The following SASH1 variants were observed in gnomAD, a reference collection of about 807,000 sequenced individuals.
The protein encoded by SASH1 is SAM and SH3 domain containing 1.
A neutral mutation model predicts 125.2 loss-of-function variants in SASH1; 44 were observed. The ratio of observed to expected loss-of-function variants is 0.35; its 90% CI spans 0.28 to 0.45. SASH1 has a LOEUF of 0.45. Ranked by LOEUF, SASH1 falls within the 20% of genes least tolerant of loss-of-function variation. The pLI, the probability that SASH1 is intolerant of heterozygous loss-of-function variation, is 1.00. For synonymous variants in SASH1, 639 were observed against 649.1 expected (o/e 0.98, Z 0.24); for missense variants, 1,426 against 1,614.5 (o/e 0.88, Z 2.00).
At chr6:148,232,582 A>C in the SASH1 span, among the ~76,000 whole-genome samples, 104 of 152,344 alleles carry the variant, frequency 6.8e-4, no homozygotes, top group Middle Eastern at 6.8e-3. Flanking sequence ...TAAAACATGC[A>C]ACTATGCAGA....
intron 2 of SASH1, among the ~76,000 whole-genome samples, chr6:148,399,214 C>CTTTTTTTTTTTTTTTTTTTTTTTTT (rs371374910): frequency 2.8e-5 from 3 of 106,662 alleles, no homozygotes; most frequent in Non-Finnish European, 3.8e-5. Flanking sequence ...ATTTCAGCTT[C>CTTTTTTTTTTTTTTTTTTTTTTTTT]TTTTTTTTTT....
Position 148,474,191 on chromosome 6 carries a change from AGAT to A in SASH1, c.600_602del (p.Met200del), listed in dbSNP as rs1246854144. ...CAGCTAATGATGATGGTCAAAGAAA[AGAT>A]GATCACAATTGAGGAAGCACTTGCT... On this transcript the variant is annotated inframe_deletion, in exon 7 of 20. Coordinates refer to ENST00000367467, the MANE Select transcript of SASH1 (RefSeq NM_015278.5). 1 of 1,608,072 alleles carries A rather than the reference AGAT, an allele frequency of 6.2e-7. No homozygotes were observed.
intron 1 of SASH1, among the ~76,000 whole-genome samples, chr6:148,312,909 G>T (rs911480509): frequency 1.3e-5 from 2 of 152,148 alleles, no homozygotes; most frequent in Non-Finnish European, 2.9e-5. Context: ...GTCAAGAAAA[G>T]CTTCCTGGGG....
In SASH1 at chr6:148,343,125, G is replaced by A. The variant is rs1455416771; in HGVS notation, c.58G>A (p.Glu20Lys). 2 of 1,594,304 alleles carry A rather than the reference G, an allele frequency of 1.3e-6. No individual in the cohort carries two copies. Among genetic ancestry groups the A allele is most frequent in the Non-Finnish European group, 1.7e-6 (2 of 1,177,078 alleles). The change falls in exon 1 of 20, where the codon GAG becomes AAG. Residue 20 changes from glutamate (E) to lysine (K), a missense_variant. By Grantham distance (56) the Glu-to-Lys change is moderately conservative (BLOSUM62 1). Transcript: ENST00000367467. ...GGAGCCTGAGCCCGAGCCCGAGCCG[G>A]AGCCCGAGCCCGCGCCGGAGCCGGA... ...GPEPEPEPEPEPEPAPEPEPE... is the reference protein window; with the variant it reads ...GPEPEPEPEPKPEPAPEPEPE...
intron 2 of SASH1, among the ~76,000 whole-genome samples, chr6:148,403,609 C>T (rs563892808): frequency 1.3e-5 from 2 of 152,292 alleles, no homozygotes; most frequent in African/African-American, 4.8e-5. Flanking sequence ...TGGCTCACCG[C>T]AACCTCTTCC....
chr6:148,238,671 T>A, the SASH1 span, among the ~76,000 whole-genome samples: 1 of 151,132 alleles, frequency 6.6e-6, no homozygotes, highest in Non-Finnish European at 1.5e-5. Flanking sequence ...CATCCCAAAT[T>A]GTAAATTCTA....
At chr6:148,260,596 A>G in the SASH1 span, among the ~76,000 whole-genome samples, 1 of 148,438 alleles carries the variant, frequency 6.7e-6, no homozygotes, top group Non-Finnish European at 1.5e-5. Flanking sequence ...ACAAAGCAAG[A>G]CCCTGTCTTT....
At chr6:148,232,429 A>G in the SASH1 span, among the ~76,000 whole-genome samples, 1 of 152,170 alleles carries the variant, frequency 6.6e-6, no homozygotes, top group Admixed American at 6.5e-5. Flanking sequence ...TAGGTGAGTC[A>G]AGGATAACTG....
At chr6:148,299,882 C>A (rs6570836) in intron 1 of SASH1, among the ~76,000 whole-genome samples, 96,600 of 151,826 alleles carry the variant, frequency 0.64, 30,889 homozygotes, top group Non-Finnish European at 0.65. Context: ...AACCCTAACC[C>A]GCCCCACCAA....
At chr6:148,352,823 G>A (rs1429762468) in intron 1 of SASH1, among the ~76,000 whole-genome samples, 2 of 151,638 alleles carry the variant, frequency 1.3e-5, no homozygotes, top group African/African-American at 4.8e-5. Flanking sequence ...ACAAAAATTA[G>A]CCAGGTGTGG....
intron 2 of SASH1, among the ~76,000 whole-genome samples, chr6:148,437,293 A>C (rs1776331381): frequency 6.6e-6 from 1 of 152,204 alleles, no homozygotes; most frequent in Non-Finnish European, 1.5e-5. Flanking sequence ...TTTTTACTTT[A>C]GAATGTGTTT....
chr6:148,201,980 G>T, the SASH1 span, among the ~76,000 whole-genome samples: 1 of 152,060 alleles, frequency 6.6e-6, no homozygotes, highest in Non-Finnish European at 1.5e-5. Flanking sequence ...TATTGAAGGT[G>T]TATATCCACC....
chr6:148,254,476 T>C, the SASH1 span, among the ~76,000 whole-genome samples: 2 of 152,120 alleles, frequency 1.3e-5, no homozygotes, highest in Non-Finnish European at 2.9e-5. Context: ...TTGGGCAATA[T>C]AGCAAGACTC....
chr6:148,263,358 T>G, the SASH1 span, among the ~76,000 whole-genome samples: 6 of 152,220 alleles, frequency 3.9e-5, no homozygotes, highest in African/African-American at 1.4e-4. Context: ...TGAGGTTCAC[T>G]GAGCTAGAAC....
the SASH1 span, among the ~76,000 whole-genome samples, chr6:148,250,572 TAAAAAA>T: frequency 1.4e-5 from 2 of 141,418 alleles, no homozygotes; most frequent in Admixed American, 1.4e-4. Context: ...GCCTTAGTCT[TAAAAAA>T]AAAAAAAAAA....
chr6:148,262,644 G>A, the SASH1 span, among the ~76,000 whole-genome samples: 3 of 152,208 alleles, frequency 2.0e-5, no homozygotes, highest in Non-Finnish European at 2.9e-5. Flanking sequence ...AGCACTTTGG[G>A]AGGCCGAGGC....
At chr6:148,467,088 C>CTTTTTTTTTTT (rs71004298) in intron 4 of SASH1, among the ~76,000 whole-genome samples, 14 of 69,952 alleles carry the variant, frequency 2.0e-4, no homozygotes, top group East Asian at 5.5e-4. Context: ...TTCCCTGTTC[C>CTTTTTTTTTTT]TTTTTTTTTT....
At chr6:148,421,150 A>AAGGAAGGAAGAAAGG (rs1562396387) in intron 2 of SASH1, among the ~76,000 whole-genome samples, 1 of 48,516 alleles carries the variant, frequency 2.1e-5, no homozygotes, top group African/African-American at 7.3e-5. Context: ...AGGAAGGAAG[A>AAGGAAGGAAGAAAGG]AAGAAAGAAA....
At chr6:148,251,628 A>G in the SASH1 span, among the ~76,000 whole-genome samples, 5 of 152,166 alleles carry the variant, frequency 3.3e-5, no homozygotes, top group Non-Finnish European at 7.3e-5. Flanking sequence ...TGCAGCTAGT[A>G]TGAAGAATCA....
Sources: allele counts gnomAD v4.1 joint callset (sites outside exome capture counted in the v4.1 genomes callset), GRCh38; gene constraint gnomAD v4.1.1; transcripts MANE v1.5; gene names NCBI Gene and HGNC (gene_info 2026-07-23, HGNC 2026-07-21).